The following ROBO1 variants were observed in gnomAD, a reference collection of about 807,000 sequenced individuals.
ROBO1 encodes the protein roundabout guidance receptor 1.
ROBO1 carries 149 observed loss-of-function variants against 195.9 expected under a neutral mutation model. The observed-to-expected ratio is 0.76, with a 90% CI of 0.67 to 0.87. The LOEUF (loss-of-function observed/expected upper bound fraction) is 0.87. Ranked by LOEUF, ROBO1 falls within the 40% of genes least tolerant of loss-of-function variation. The pLI is 0.00. For missense variants in ROBO1, 1,933 were observed against 2,068.3 expected, an observed-to-expected ratio of 0.93 and a Z score of 1.27; for synonymous variants, 816 against 733.2, an observed-to-expected ratio of 1.11 and a Z score of -1.82.
chr3:79,470,828 A>G (rs1402533328), intron 2 of ROBO1, among the ~76,000 whole-genome samples: 1 of 152,156 alleles, frequency 6.6e-6, no homozygotes, highest in Non-Finnish European at 1.5e-5. Flanking sequence ...CTGTGAGTCA[A>G]TTAAACCTCT....
At chr3:79,728,346 CA>C (rs1175330394) in intron 1 of ROBO1, among the ~76,000 whole-genome samples, 2 of 152,018 alleles carry the variant, frequency 1.3e-5, no homozygotes. Context: ...TACAATATGC[CA>C]ATGGGTTGTC....
intron 2 of ROBO1, among the ~76,000 whole-genome samples, chr3:79,580,109 C>T (rs1399424239): frequency 6.6e-6 from 1 of 151,186 alleles, no homozygotes; most frequent in East Asian, 1.9e-4. Context: ...TGTGTAGATA[C>T]ATCGCCCTAC....
chr3:78,616,568 C>T (rs1704125325), intron 27 of ROBO1, among the ~76,000 whole-genome samples: 1 of 151,908 alleles, frequency 6.6e-6, no homozygotes, highest in Non-Finnish European at 1.5e-5. Context: ...AAATAATGGC[C>T]AATCCAATAT....
Position 78,743,675 on chromosome 3 carries a change from G to A in ROBO1, c.657+3068C>T, listed in dbSNP as rs567464700. On this transcript the variant is annotated intron_variant, in intron 5 of 30. Coordinates refer to ENST00000464233, the MANE Select transcript of ROBO1 (RefSeq NM_002941.4). ...CATTCATTTTACATGTCCATCTTGAGACGACAGGTGTGGGGTAGAAAGTTC... is the reference window on the plus strand; with the variant it reads ...CATTCATTTTACATGTCCATCTTGAAACGACAGGTGTGGGGTAGAAAGTTC... 1.6e-4 allele frequency among the ~76,000 whole-genome samples: 25 copies of A among 152,248 alleles called. No homozygotes were observed. The South Asian group carries it at 3.7e-3, about 23-fold the overall frequency.
intron 3 of ROBO1, among the ~76,000 whole-genome samples, chr3:79,015,665 A>G (rs1429916443): frequency 6.6e-6 from 1 of 152,162 alleles, no homozygotes; most frequent in Admixed American, 6.5e-5. Context: ...AAGTAATTAA[A>G]GGAATCTACC....
chr3:78,627,754 T>C (rs1055951067), intron 25 of ROBO1, among the ~76,000 whole-genome samples, 185 bp from the exon 26 acceptor site: 2 of 152,192 alleles, frequency 1.3e-5, no homozygotes, highest in African/African-American at 4.8e-5. Flanking sequence ...ACTATTTTTC[T>C]CTAAGGGATT....
chr3:78,936,916 A>G (rs1054110054), intron 4 of ROBO1, among the ~76,000 whole-genome samples: 1 of 152,100 alleles, frequency 6.6e-6, no homozygotes, highest in African/African-American at 2.4e-5. Flanking sequence ...CACCTCACTA[A>G]TTTAGTTCTG....
intron 1 of ROBO1, among the ~76,000 whole-genome samples, chr3:79,599,128 A>T (rs943943111): frequency 3.9e-5 from 6 of 152,060 alleles, no homozygotes; most frequent in African/African-American, 1.4e-4. Flanking sequence ...AAGGATAAAT[A>T]ATTATTTTAT....
rs149180793 is a variant in ROBO1 at position 79,422,433 on chromosome 3, C to T, written c.88+167391G>A. Among the ~76,000 whole-genome samples, 451 of 152,038 alleles carry T rather than the reference C, an allele frequency of 3.0e-3. 2 individuals are homozygous for T. Among genetic ancestry groups the T allele is most frequent in the African/African-American group, 9.1e-3 (379 of 41,500 alleles). ...TGCGAATGCTGTTAGTAATATACTA[C>T]GTAACATTGCAAAGGGAAATTGACA... is the stretch of plus-strand genomic sequence containing the variant. On this transcript the variant is annotated intron_variant, in intron 2 of 30. Coordinates refer to ENST00000464233, the MANE Select transcript of ROBO1 (RefSeq NM_002941.4).
chr3:79,141,384 C>G (rs73109179), intron 2 of ROBO1, among the ~76,000 whole-genome samples: 1 of 152,088 alleles, frequency 6.6e-6, no homozygotes, highest in African/African-American at 2.4e-5. Flanking sequence ...CGGTTTTGCA[C>G]TCTTCATTCT....
At chr3:78,605,667 T>C (rs921928972) in intron 29 of ROBO1, among the ~76,000 whole-genome samples, 2 of 152,196 alleles carry the variant, frequency 1.3e-5, no homozygotes, top group Non-Finnish European at 2.9e-5. Flanking sequence ...TTTCGTTGGA[T>C]TTTTTACTAT....
chr3:79,646,911 A>G (rs1409223007), intron 1 of ROBO1, among the ~76,000 whole-genome samples: 1 of 152,052 alleles, frequency 6.6e-6, no homozygotes, highest in Admixed American at 6.6e-5. Context: ...TGAGAAGGCT[A>G]AGAGGGAAAG....
At chr3:78,671,024 A>T (rs142004496) in intron 10 of ROBO1, among the ~76,000 whole-genome samples, 150 of 152,340 alleles carry the variant, frequency 9.8e-4, no homozygotes, top group African/African-American at 3.5e-3. Flanking sequence ...CTCTATTGGG[A>T]TTAATGGGAT....
At chr3:79,163,143 T>G (rs1399560183) in intron 2 of ROBO1, among the ~76,000 whole-genome samples, 1 of 152,118 alleles carries the variant, frequency 6.6e-6, no homozygotes, top group Non-Finnish European at 1.5e-5. Context: ...TCTTAAAGAC[T>G]GAAATTCTGT....
chr3:79,706,237 A>G (rs1439536179), intron 1 of ROBO1, among the ~76,000 whole-genome samples: 1 of 152,094 alleles, frequency 6.6e-6, no homozygotes, highest in African/African-American at 2.4e-5. Context: ...TCTGATCTTA[A>G]CTGGAAAGCT....
chr3:79,766,752 G>A (rs1705020345), intron 1 of ROBO1, among the ~76,000 whole-genome samples: 2 of 152,156 alleles, frequency 1.3e-5, no homozygotes, highest in Non-Finnish European at 2.9e-5. Flanking sequence ...ATGGAAGCGG[G>A]GCTGGCAAGA....
At chr3:79,323,330 T>C (rs1446332393) in intron 2 of ROBO1, among the ~76,000 whole-genome samples, 7 of 152,200 alleles carry the variant, frequency 4.6e-5, no homozygotes, top group Admixed American at 4.6e-4. Flanking sequence ...TCCACCCACC[T>C]CAGCCTCCCA....
At chr3:79,416,573 A>C (rs2038012159) in intron 2 of ROBO1, among the ~76,000 whole-genome samples, 2 of 150,450 alleles carry the variant, frequency 1.3e-5, no homozygotes. Flanking sequence ...ATGCCACTGC[A>C]CTCCAGCCTG....
intron 3 of ROBO1, among the ~76,000 whole-genome samples, chr3:78,944,172 G>A (rs1365252299): frequency 6.6e-6 from 1 of 152,170 alleles, no homozygotes; most frequent in Non-Finnish European, 1.5e-5. Flanking sequence ...GGCAGTGCTG[G>A]AATTCAATCA....
Sources: allele counts gnomAD v4.1 joint callset (sites outside exome capture counted in the v4.1 genomes callset), GRCh38; gene constraint gnomAD v4.1.1; transcripts MANE v1.5; gene names NCBI Gene and HGNC (gene_info 2026-07-23, HGNC 2026-07-21).